Variants in TENM3 observed in about 807,000 individuals in gnomAD.
TENM3 encodes teneurin-3.
In TENM3, 63 loss-of-function variants were observed where a neutral mutation model predicts 255.1. That is an observed-to-expected ratio of 0.25 (90% confidence interval 0.20 to 0.30). TENM3 has a LOEUF of 0.30. Among genes scored for constraint, TENM3 ranks in the 10% least tolerant of loss-of-function variants. The pLI is 1.00. For synonymous variants in TENM3, 1,306 were observed against 1,322.3 expected, an observed-to-expected ratio of 0.99 and a Z score of 0.27; for missense variants, 2,929 against 3,461.1, an observed-to-expected ratio of 0.85 and a Z score of 3.86.
At chr4:182,217,394 T>C (rs1755557430) in intron 1 of TENM3, among the ~76,000 whole-genome samples, 1 of 152,124 alleles carries the variant, frequency 6.6e-6, no homozygotes, top group African/African-American at 2.4e-5. Context: ...GCAACAAAGA[T>C]AATAAAGTGC....
intron 1 of TENM3, among the ~76,000 whole-genome samples, chr4:182,323,739 A>G (rs890556160): frequency 4.6e-5 from 7 of 152,188 alleles, no homozygotes; most frequent in African/African-American, 1.7e-4. Flanking sequence ...AAACACTCAT[A>G]GCACTCACCA....
intron 3 of TENM3, among the ~76,000 whole-genome samples, chr4:182,535,853 G>A (rs1019443555): frequency 3.3e-5 from 5 of 152,024 alleles, no homozygotes; most frequent in African/African-American, 1.2e-4. Context: ...GGATTAGTGT[G>A]AGAATTAAAT....
At chr4:182,542,006 T>A (rs1218372370) in intron 3 of TENM3, among the ~76,000 whole-genome samples, 1 of 151,970 alleles carries the variant, frequency 6.6e-6, no homozygotes, top group African/African-American at 2.4e-5. Flanking sequence ...GAGGCCTCAG[T>A]GAGCTATGAT....
chr4:181,693,591 C>T, the TENM3 span, among the ~76,000 whole-genome samples: 11 of 152,210 alleles, frequency 7.2e-5, no homozygotes, highest in East Asian at 1.7e-3. Context: ...AGAAAAAGAA[C>T]CTTCAGGAGT....
chr4:181,462,596 C>G, the TENM3 span, among the ~76,000 whole-genome samples: 2 of 152,200 alleles, frequency 1.3e-5, no homozygotes, highest in South Asian at 2.1e-4. Flanking sequence ...TTAAAGGCAG[C>G]ATGATATATC....
At chr4:181,463,689 A>T in the TENM3 span, among the ~76,000 whole-genome samples, 6 of 152,268 alleles carry the variant, frequency 3.9e-5, no homozygotes, top group Non-Finnish European at 8.8e-5. Flanking sequence ...TTTGAAGTGG[A>T]CAATTCAATG....
chr4:181,663,775 T>G, the TENM3 span, among the ~76,000 whole-genome samples: 10 of 152,170 alleles, frequency 6.6e-5, no homozygotes, highest in Non-Finnish European at 1.2e-4. Context: ...TCCCATGACT[T>G]ACTTCTTCCT....
chr4:182,662,385 C>G (rs1025246171), intron 6 of TENM3, among the ~76,000 whole-genome samples: 1 of 152,076 alleles, frequency 6.6e-6, no homozygotes, highest in Non-Finnish European at 1.5e-5. Context: ...AAGATGATAC[C>G]CTATTGTGTT....
chr4:182,676,592 G>T (rs1327713915), intron 7 of TENM3, among the ~76,000 whole-genome samples: 4 of 152,182 alleles, frequency 2.6e-5, no homozygotes, highest in Non-Finnish European at 5.9e-5. Context: ...CATCGTTTTA[G>T]TAACGGAATT....
chr4:182,234,604 C>T (rs776043162), intron 1 of TENM3, among the ~76,000 whole-genome samples: 24 of 151,982 alleles, frequency 1.6e-4, no homozygotes, highest in Non-Finnish European at 3.2e-4. Context: ...TGGTGGCAGG[C>T]CCCTGTAATC....
At chr4:182,050,542 A>C in the TENM3 span, among the ~76,000 whole-genome samples, 2 of 152,154 alleles carry the variant, frequency 1.3e-5, no homozygotes, top group Non-Finnish European at 2.9e-5. Context: ...GGTGGCTCAC[A>C]CCTGTAATCC....
chr4:181,993,840 G>A, the TENM3 span, among the ~76,000 whole-genome samples: 1 of 152,012 alleles, frequency 6.6e-6, no homozygotes, highest in Non-Finnish European at 1.5e-5. Flanking sequence ...ACTTAAGAAT[G>A]CTGCCCGTTG....
In TENM3 at chr4:182,799,298, C is replaced by G. The variant is rs1766724753; in HGVS notation, c.7345-298C>G. Among the ~76,000 whole-genome samples, 1 of 152,176 alleles carries G rather than the reference C, an allele frequency of 6.6e-6. No individual in the cohort carries two copies. The highest frequency in any genetic ancestry group is 2.4e-5 in the African/African-American group (1 of 41,454). On this transcript the variant is annotated intron_variant, in intron 27 of 27. Transcript: ENST00000511685. The surrounding 1 kb of genome is among the most constrained non-coding windows in gnomAD (Gnocchi z 4.2). ...TGGGGTGGGAGTGGGAAAAGAGCAT[C>G]TAGAAACTGTAAGAGAAAAGCAAGA...
the TENM3 span, among the ~76,000 whole-genome samples, chr4:182,063,823 C>T: frequency 6.6e-6 from 1 of 152,136 alleles, no homozygotes; most frequent in Non-Finnish European, 1.5e-5. Flanking sequence ...AGACAGAAAA[C>T]ATGTGCTCTC....
chr4:182,274,655 G>A (rs145083888), intron 1 of TENM3, among the ~76,000 whole-genome samples: 1 of 152,242 alleles, frequency 6.6e-6, no homozygotes, highest in African/African-American at 2.4e-5. Context: ...GTGCAGATAC[G>A]TAGAAAGTCT....
At chr4:181,458,683 C>T in the TENM3 span, among the ~76,000 whole-genome samples, 2 of 151,868 alleles carry the variant, frequency 1.3e-5, no homozygotes, top group African/African-American at 4.8e-5. Flanking sequence ...TGCATTGCTC[C>T]AGTATAATAT....
intron 3 of TENM3, among the ~76,000 whole-genome samples, chr4:182,528,624 G>A (rs748182168): frequency 3.3e-5 from 5 of 152,034 alleles, no homozygotes; most frequent in East Asian, 1.9e-4. Flanking sequence ...AGTTTATTAC[G>A]GTAAATTATG....
At chr4:181,905,701 C>T in the TENM3 span, 2 of 203,654 alleles carry the variant, frequency 9.8e-6, no homozygotes, top group South Asian at 1.9e-4. Flanking sequence ...GGCTGGAGTG[C>T]AGTGGCACAA....
the TENM3 span, among the ~76,000 whole-genome samples, chr4:182,106,492 A>T: frequency 2.0e-5 from 3 of 152,112 alleles, no homozygotes; most frequent in Non-Finnish European, 2.9e-5. Flanking sequence ...ACAAAGAAAG[A>T]AACACTCCCA....
Sources: allele counts gnomAD v4.1 joint callset (sites outside exome capture counted in the v4.1 genomes callset), GRCh38; gene constraint gnomAD v4.1.1; non-coding constraint Gnocchi (gnomAD v3.1); transcripts MANE v1.5; gene names NCBI Gene and HGNC (gene_info 2026-07-23, HGNC 2026-07-21).